MED8: variants seen among roughly 807,000 people sequenced by gnomAD.
MED8 encodes mediator of RNA polymerase II transcription subunit 8.
In MED8, 22 loss-of-function variants were observed where a neutral mutation model predicts 34.8. The observed-to-expected ratio is 0.63, with a 90% CI of 0.45 to 0.90. MED8 has a LOEUF of 0.90. Among genes scored for constraint, MED8 ranks in the 40% least tolerant of loss-of-function variants. The probability of loss-of-function intolerance (pLI) is 0.00; values close to 1 mark genes in which losing one functional copy is unlikely to be tolerated. For synonymous variants in MED8, 105 were observed against 120.2 expected, an observed-to-expected ratio of 0.87 and a Z score of 0.83; for missense variants, 260 against 326.3, an observed-to-expected ratio of 0.80 and a Z score of 1.57.
intron 3 of MED8, among the ~76,000 whole-genome samples, chr1:43,387,297 G>A (rs1484737614): frequency 2.0e-5 from 3 of 152,140 alleles, no homozygotes; most frequent in Non-Finnish European, 4.4e-5. Flanking sequence ...GACAGATGTT[G>A]GAGAAGAAAG....
In MED8 at chr1:43,386,247, A is replaced by G; in HGVS notation, c.494-21T>C. 6.2e-7 allele frequency: 1 copy of G among 1,606,662 alleles called. No individual in the cohort carries two copies. Among genetic ancestry groups the G allele is most frequent in the Non-Finnish European group, 8.5e-7 (1 of 1,177,884 alleles). The stretch of plus-strand genomic sequence containing the variant: ...GAGACCTGAAGAAAAAGTAATGGGG[A>G]TCCTGAAGTATGCTTCTGATGCAGG... On this transcript the variant is annotated intron_variant, in intron 5 of 6. Coordinates refer to ENST00000372457, the MANE Select transcript of MED8 (RefSeq NM_201542.5). This position sits in a 1 kb window ranked among gnomAD's most constrained non-coding sequence, Gnocchi z 4.9.
At position 43,384,256 on chromosome 1, in the gene MED8, A is replaced by G. The variant is rs1230987080; in HGVS notation, c.*786T>C. The G allele has an allele frequency of 1.7e-6, 1 of 593,268 alleles. No homozygotes were observed. The highest frequency in any genetic ancestry group is 2.8e-6 in the Non-Finnish European group (1 of 359,474). The allele number at this position is 593,268 out of a possible 1,614,324, so 36.8% of individuals were successfully genotyped here. On this transcript the variant is annotated 3_prime_UTR_variant, in exon 7 of 7. Coordinates refer to ENST00000372457, the MANE Select transcript of MED8 (RefSeq NM_201542.5). ...CCCTTCTCCCTCCAAAATAAGAAAC[A>G]TGAATCCAGGGGAAGGGGCTTTTTC... is the stretch of plus-strand genomic sequence containing the variant.
Position 43,389,776 on chromosome 1 carries a change from A to AGGCGGCTGCCAC in MED8, c.-24_-13dup, listed in dbSNP as rs887033341. 50 of 1,609,100 alleles carry AGGCGGCTGCCAC rather than the reference A, an allele frequency of 3.1e-5. No individual in the cohort carries two copies. Among genetic ancestry groups the AGGCGGCTGCCAC allele is most frequent in the Non-Finnish European group, 3.7e-5 (44 of 1,177,948 alleles). On this transcript the variant is annotated 5_prime_UTR_variant, in exon 1 of 7. Transcript: ENST00000372457. ...ACTCTCACCTGCATTGCGGCGGCCG[A>AGGCGGCTGCCAC]GGCGGCTGCCACGATTTCACTTCCG...
intron 6 of MED8, 125 bp from the exon 7 acceptor site, chr1:43,385,231 CCT>C (rs1388893570): frequency 3.7e-5 from 47 of 1,277,068 alleles, no homozygotes; most frequent in South Asian, 3.4e-4. Context: ...GGCATCTGAC[CCT>C]GTTTGACAGA....
In MED8 at chr1:43,385,992, T is replaced by C. The variant is rs200812826; in HGVS notation, c.728A>G (p.Gln243Arg). The change falls in exon 6 of 7, where the codon CAG becomes CGG. Residue 243 changes from glutamine to arginine, a missense_variant. Physicochemically the swap from Gln to Arg is conservative, Grantham distance 43. Coordinates refer to ENST00000372457, the MANE Select transcript of MED8 (RefSeq NM_201542.5). ...QPMLSGVQMA[Q>R]AGQPGKMPSG... ...TGCCACCTTACCTGGTTGACCTGCC[T>C]GAGCCATTTGTACCCCACTGAGCAT... is the stretch of plus-strand genomic sequence containing the variant. The C allele has an allele frequency of 2.2e-5, 36 of 1,614,020 alleles. No homozygotes were observed. In the Admixed American group the frequency reaches 4.0e-4, roughly 18 times the overall value.
intron 6 of MED8, chr1:43,385,442 TC>T (rs1393989433): frequency 3.8e-6 from 1 of 261,342 alleles, no homozygotes; most frequent in African/African-American, 2.3e-5. Flanking sequence ...GTGCAGAATC[TC>T]TCTTTAATTG....
In MED8 at chr1:43,386,071, T is replaced by C. The variant is rs376359278; in HGVS notation, c.649A>G (p.Thr217Ala). 1.1e-5 allele frequency: 17 copies of C among 1,613,874 alleles called. 1 individual carries two copies. In the African/African-American group the frequency reaches 2.3e-4, roughly 22 times the overall value. ...QPGAGTILAG[T>A]SGLQQVQMAG... ...ATCTGCACCTGCTGTAATCCTGAGG[T>C]TCCTGCAAGGATCGTCCCAGCTCCT... The change falls in exon 6 of 7, where the codon ACC becomes GCC. Residue 217 changes from threonine to alanine, a missense_variant. Transcript: ENST00000372457. The surrounding 1 kb of genome is among the most constrained non-coding windows in gnomAD (Gnocchi z 4.9).
chr1:43,387,400 A>G, intron 3 of MED8, 103 bp downstream of exon 3: 6 of 1,459,508 alleles, frequency 4.1e-6, no homozygotes, highest in Non-Finnish European at 4.6e-6. Flanking sequence ...AAGGCCTCCA[A>G]AATTATTTCT....
At chr1:43,388,547 C>T (rs1280400699) in intron 1 of MED8, 119 bp from the exon 2 acceptor site, 1 of 1,471,232 alleles carries the variant, frequency 6.8e-7, no homozygotes, top group East Asian at 2.4e-5. Context: ...ATCTCATTGG[C>T]ATAGGATAGC....
At chr1:43,387,440 A>G in intron 3 of MED8, 63 bp downstream of exon 3, 1 of 1,562,198 alleles carries the variant, frequency 6.4e-7, no homozygotes, top group Non-Finnish European at 8.7e-7. Flanking sequence ...TAATTTCCCT[A>G]AATACTAAAG....
chr1:43,387,610 G>C lies in MED8; in HGVS notation c.163C>G (p.Gln55Glu), dbSNP rs1268340697. Residue 55 changes from glutamine (Q) to glutamate (E), a missense_variant, in exon 3 of 7, where the codon CAG becomes GAG. By Grantham distance (29) the Gln-to-Glu change is conservative. Transcript: ENST00000372457. ...VLDSFALLSGQLNTLNKVLKH... is the reference protein window; with the variant it reads ...VLDSFALLSGELNTLNKVLKH... ...AAGACCTTGTTCAGAGTGTTCAGCT[G>C]TCCAGAAAGCAAGGCAAAGCTGTCC... The C allele has an allele frequency of 6.2e-7, 1 of 1,614,014 alleles. No homozygotes were observed. The highest frequency in any genetic ancestry group is 1.7e-5 in the Admixed American group (1 of 60,028).
chr1:43,386,019 G>A lies in MED8; in HGVS notation c.701C>T (p.Pro234Leu). ...QMAGAPSQQQ[P>L]MLSGVQMAQA... is the part of the protein sequence containing the mutation. ...AGCCATTTGTACCCCACTGAGCATT[G>A]GCTGCTGCTGGCTTGGAGCTCCTGC... Residue 234 changes from proline to leucine, a missense_variant, in exon 6 of 7, where the codon CCA becomes CTA. By Grantham distance (98) the Pro-to-Leu change is moderately conservative. Transcript: ENST00000372457. The surrounding 1 kb of genome is among the most constrained non-coding windows in gnomAD (Gnocchi z 4.9). 6.2e-7 allele frequency: 1 copy of A among 1,613,936 alleles called. No homozygotes were observed. Among genetic ancestry groups the A allele is most frequent in the Non-Finnish European group, 8.5e-7 (1 of 1,179,884 alleles).
intron 1 of MED8, among the ~76,000 whole-genome samples, chr1:43,389,348 G>T (rs1193907687): frequency 2.7e-4 from 41 of 152,108 alleles, no homozygotes; most frequent in Admixed American, 2.6e-3. Context: ...TTCCCTCACT[G>T]CTTGGGCTTC....
chr1:43,385,909 C>T, intron 6 of MED8, 69 bp downstream of exon 6: 4 of 1,594,998 alleles, frequency 2.5e-6, no homozygotes, highest in Non-Finnish European at 3.4e-6. Context: ...GCTGGAGGCC[C>T]AGATAATCTA....
At position 43,386,021 on chromosome 1, in the gene MED8, C is replaced by G. The variant is rs754714496; in HGVS notation, c.699G>C (p.Gln233His). ...CCATTTGTACCCCACTGAGCATTGGCTGCTGCTGGCTTGGAGCTCCTGCCA... is the reference window on the plus strand; with the variant it reads ...CCATTTGTACCCCACTGAGCATTGGGTGCTGCTGGCTTGGAGCTCCTGCCA... Reference protein sequence around the residue: ...VQMAGAPSQQQPMLSGVQMAQ... With the variant: ...VQMAGAPSQQHPMLSGVQMAQ... The change falls in exon 6 of 7, where the codon CAG becomes CAC. Residue 233 changes from glutamine (Q) to histidine (H), a missense_variant. Gln to His is a conservative substitution (Grantham distance 24, BLOSUM62 0). Coordinates refer to ENST00000372457, the MANE Select transcript of MED8 (RefSeq NM_201542.5). This position sits in a 1 kb window ranked among gnomAD's most constrained non-coding sequence, Gnocchi z 4.9. 1 of 1,614,018 alleles carries G rather than the reference C, an allele frequency of 6.2e-7. No individual in the cohort carries two copies. Among genetic ancestry groups the G allele is most frequent in the South Asian group, 1.1e-5 (1 of 91,088 alleles).
intron 1 of MED8, chr1:43,388,825 C>T (rs1647898774): frequency 6.2e-6 from 1 of 162,218 alleles, no homozygotes; most frequent in African/African-American, 2.4e-5. Flanking sequence ...CATCTGTGAG[C>T]CTGGCTGTCT....
chr1:43,386,067 G>A lies in MED8; in HGVS notation c.653C>T (p.Ser218Leu), dbSNP rs1211833015. The change falls in exon 6 of 7, where the codon TCA (serine) becomes TTA (leucine). Residue 218 changes from serine to leucine, a missense_variant. Ser to Leu is a moderately radical substitution (Grantham distance 145). Coordinates refer to ENST00000372457, the MANE Select transcript of MED8 (RefSeq NM_201542.5). The surrounding 1 kb of genome is among the most constrained non-coding windows in gnomAD (Gnocchi z 4.9). ...PGAGTILAGT[S>L]GLQQVQMAGA... Reference sequence around the variant, plus strand: ...TGCCATCTGCACCTGCTGTAATCCTGAGGTTCCTGCAAGGATCGTCCCAGC... The same window carrying A: ...TGCCATCTGCACCTGCTGTAATCCTAAGGTTCCTGCAAGGATCGTCCCAGC... The A allele has an allele frequency of 6.2e-7, 1 of 1,613,858 alleles. No individual in the cohort carries two copies.
chr1:43,384,231 C>T lies in MED8; in HGVS notation c.*811G>A, dbSNP rs1647644427. 3 of 506,288 alleles carry T rather than the reference C, an allele frequency of 5.9e-6. No individual in the cohort carries two copies. The highest frequency in any genetic ancestry group is 4.0e-5 in the African/African-American group (2 of 50,060). 31.4% of individuals were successfully genotyped at this position (506,288 alleles called of 1,614,324 possible). ...CCTGATGGCAGTGTGAAGTGCAATT[C>T]CCTTCTCCCTCCAAAATAAGAAACA... On this transcript the variant is annotated 3_prime_UTR_variant, in exon 7 of 7. Transcript: ENST00000372457.
chr1:43,387,765 C>T (rs1647784893), intron 2 of MED8, 118 bp from the exon 3 acceptor site: 3 of 1,122,526 alleles, frequency 2.7e-6, no homozygotes, highest in African/African-American at 3.1e-5. Flanking sequence ...AGTCTCATAG[C>T]CCTATGACTA....
Sources: gnomAD v4.1 joint callset for allele counts (sites outside exome capture counted in the v4.1 genomes callset) on GRCh38, gnomAD v4.1.1 for gene constraint, Gnocchi (gnomAD v3.1) non-coding constraint, MANE v1.5 for transcripts, NCBI Gene and HGNC (gene_info 2026-07-23, HGNC 2026-07-21) for gene names.